The following KLHL1 variants were observed in gnomAD, a reference collection of about 807,000 sequenced individuals.
KLHL1 encodes the protein kelch like family member 1.
KLHL1 carries 47 observed loss-of-function variants against 77.7 expected under a neutral mutation model. That is an observed-to-expected ratio of 0.60 (90% CI 0.48 to 0.77). The LOEUF (loss-of-function observed/expected upper bound fraction) is 0.77, where lower values mean the gene tolerates loss of function less well. KLHL1 is among the 30% of genes least tolerant of loss of function. The pLI, the probability that KLHL1 is intolerant of heterozygous loss-of-function variation, is 0.00. For synonymous variants in KLHL1, 360 were observed against 325.2 expected, an observed-to-expected ratio of 1.11 and a Z score of -1.15; for missense variants, 925 against 910.8, an observed-to-expected ratio of 1.02 and a Z score of -0.20.
chr13:69,718,708 C>T (rs111596556), intron 9 of KLHL1, among the ~76,000 whole-genome samples: 3,303 of 152,128 alleles, frequency 0.022, 126 homozygotes, highest in African/African-American at 0.076. Flanking sequence ...GAGAACTCAG[C>T]GATACCTGTG....
At chr13:69,890,133 C>G (rs577479391) in intron 4 of KLHL1, among the ~76,000 whole-genome samples, 3 of 152,030 alleles carry the variant, frequency 2.0e-5, no homozygotes, top group African/African-American at 7.2e-5. Flanking sequence ...TAATTACATT[C>G]ATTTTATAAT....
intron 1 of KLHL1, among the ~76,000 whole-genome samples, chr13:70,016,720 G>A (rs554557908): frequency 9.9e-5 from 15 of 152,172 alleles, no homozygotes; most frequent in Non-Finnish European, 1.6e-4. Context: ...GAAGCAGGAG[G>A]CAGACAGGCT....
chr13:70,031,910 T>C (rs548595377), intron 1 of KLHL1, among the ~76,000 whole-genome samples: 2 of 152,212 alleles, frequency 1.3e-5, no homozygotes, highest in South Asian at 4.1e-4. Flanking sequence ...AGTGAACTAT[T>C]ATGAGTCAAA....
chr13:69,870,157 A>G (rs939543153), intron 5 of KLHL1, among the ~76,000 whole-genome samples: 1 of 152,162 alleles, frequency 6.6e-6, no homozygotes, highest in Non-Finnish European at 1.5e-5. Flanking sequence ...CACACTTTAC[A>G]AGAGGCATGG....
chr13:69,816,007 G>A lies in KLHL1; in HGVS notation c.1415-19045C>T, dbSNP rs374252425. 1.5e-4 allele frequency among the ~76,000 whole-genome samples: 22 copies of A among 151,698 alleles called. No individual in the cohort carries two copies. In the South Asian group the frequency reaches 4.6e-3, roughly 32 times the overall value. On this transcript the variant is annotated intron_variant, in intron 6 of 10. Transcript: ENST00000377844. ...AACATATTAATCAAGAGGAAAAATA[G>A]AAACCTCAAAATAAAAAAAATGCTA...
At chr13:69,749,331 A>G (rs747520516) in intron 7 of KLHL1, among the ~76,000 whole-genome samples, 42 of 152,156 alleles carry the variant, frequency 2.8e-4, no homozygotes, top group Non-Finnish European at 5.2e-4. Context: ...GAAAGAAAAG[A>G]AACATCTAAA....
intron 4 of KLHL1, among the ~76,000 whole-genome samples, chr13:69,923,393 GGT>G (rs1882707493): frequency 6.6e-6 from 1 of 152,228 alleles, no homozygotes; most frequent in African/African-American, 2.4e-5. Flanking sequence ...GCTTAGAGGT[GGT>G]AATCTGTTTT....
chr13:69,781,285 CTTTTTTTTTT>C (rs869083780), intron 7 of KLHL1, among the ~76,000 whole-genome samples: 5 of 119,708 alleles, frequency 4.2e-5, no homozygotes, highest in African/African-American at 1.6e-4. Context: ...TTTTTTCTTT[CTTTTTTTTTT>C]TTTTTTTTTT....
At chr13:69,876,553 T>A (rs562133845) in intron 5 of KLHL1, among the ~76,000 whole-genome samples, 18 of 152,320 alleles carry the variant, frequency 1.2e-4, no homozygotes, top group African/African-American at 4.3e-4. Flanking sequence ...TAAACCATAT[T>A]CCTCTAAATC....
intron 4 of KLHL1, among the ~76,000 whole-genome samples, chr13:69,933,835 C>T (rs192663423): frequency 1.3e-5 from 2 of 151,854 alleles, no homozygotes; most frequent in Admixed American, 6.6e-5. Flanking sequence ...TCACAAAGTT[C>T]TTTGGTCTTA....
intron 1 of KLHL1, among the ~76,000 whole-genome samples, chr13:69,991,526 A>G (rs1394525001): frequency 6.6e-6 from 1 of 152,044 alleles, no homozygotes; most frequent in African/African-American, 2.4e-5. Context: ...AATACAAATA[A>G]CCATTAGAGA....
At chr13:69,898,627 T>C (rs1256169789) in intron 4 of KLHL1, among the ~76,000 whole-genome samples, 2 of 152,174 alleles carry the variant, frequency 1.3e-5, no homozygotes, top group East Asian at 3.9e-4. Flanking sequence ...ATATATGCAT[T>C]GTTTATATGT....
chr13:69,898,284 C>T (rs545044083), intron 4 of KLHL1, among the ~76,000 whole-genome samples: 63 of 152,296 alleles, frequency 4.1e-4, no homozygotes, highest in African/African-American at 1.4e-3. Context: ...CAAACTTTTA[C>T]ATGGACCTCA....
At chr13:69,937,136 G>A (rs889939300) in intron 4 of KLHL1, among the ~76,000 whole-genome samples, 3 of 152,160 alleles carry the variant, frequency 2.0e-5, no homozygotes, top group African/African-American at 7.2e-5. Context: ...ATGATGACCA[G>A]TGGGAATTGA....
At chr13:69,963,309 A>G (rs1361606541) in intron 2 of KLHL1, among the ~76,000 whole-genome samples, 1 of 151,784 alleles carries the variant, frequency 6.6e-6, no homozygotes, top group Admixed American at 6.6e-5. Flanking sequence ...TTTTTAATTT[A>G]CTCTATTTGT....
chr13:69,984,381 A>C (rs1884806761), intron 1 of KLHL1, among the ~76,000 whole-genome samples: 1 of 152,198 alleles, frequency 6.6e-6, no homozygotes, highest in African/African-American at 2.4e-5. Flanking sequence ...GAGGCCAGGC[A>C]TGTTCAACAT....
intron 7 of KLHL1, among the ~76,000 whole-genome samples, chr13:69,754,215 T>C (rs1874610285): frequency 6.6e-6 from 1 of 152,096 alleles, no homozygotes; most frequent in Non-Finnish European, 1.5e-5. Flanking sequence ...ATAAAATTAA[T>C]GAGACTCAAT....
chr13:70,026,358 T>C (rs796069345), intron 1 of KLHL1, among the ~76,000 whole-genome samples: 4 of 152,248 alleles, frequency 2.6e-5, no homozygotes, highest in African/African-American at 7.2e-5. Flanking sequence ...CAGTACTACA[T>C]ATAGTTAACT....
At chr13:70,018,641 G>T (rs987708019) in intron 1 of KLHL1, among the ~76,000 whole-genome samples, 6 of 151,876 alleles carry the variant, frequency 4.0e-5, no homozygotes, top group Admixed American at 2.0e-4. Context: ...TAGTGCAGTT[G>T]TTAAAACGTG....
Sources: allele counts gnomAD v4.1 joint callset (sites outside exome capture counted in the v4.1 genomes callset), GRCh38; gene constraint gnomAD v4.1.1; transcripts MANE v1.5; gene names NCBI Gene and HGNC (gene_info 2026-07-23, HGNC 2026-07-21).